Variants in ADORA2A observed in about 807,000 individuals in gnomAD.
The protein encoded by ADORA2A is adenosine receptor A2a.
A neutral mutation model predicts 18.4 loss-of-function variants in ADORA2A; 11 were observed. The observed-to-expected ratio is 0.60, with a 90% confidence interval of 0.38 to 0.99. The LOEUF is 0.99. Ranked by LOEUF, ADORA2A falls within the 50% of genes least tolerant of loss-of-function variation. ADORA2A has a pLI of 0.01. For missense variants in ADORA2A, 449 were observed against 556.1 expected (o/e 0.81, Z 1.94); for synonymous variants, 218 against 237.3 (o/e 0.92, Z 0.75).
intron 2 of ADORA2A, among the ~76,000 whole-genome samples, chr22:24,435,353 T>C (rs544467108): frequency 6.6e-6 from 1 of 152,304 alleles, no homozygotes; most frequent in South Asian, 2.1e-4. Context: ...TGGAGGGGAC[T>C]TCAGGGAACC....
chr22:24,424,701 T>A (rs2042898597), upstream of ADORA2A: 1 of 151,490 alleles, frequency 6.6e-6, no homozygotes, highest in East Asian at 2.0e-4. This position sits in a 1 kb window ranked among gnomAD's most constrained non-coding sequence, Gnocchi z 4.9. Flanking sequence ...GGGGGACGGA[T>A]GGGGGTGGGT....
chr22:24,427,718 G>C lies in ADORA2A; in HGVS notation c.-303G>C, dbSNP rs200656121. 6.6e-6 allele frequency: 1 copy of C among 152,334 alleles called. No individual in the cohort carries two copies. Among genetic ancestry groups the C allele is most frequent in the African/African-American group, 2.4e-5 (1 of 41,454 alleles). The allele number at this position is 152,334 out of a possible 1,614,324, so 9.4% of individuals were successfully genotyped here. A position where few individuals can be genotyped will look rare whatever the true frequency, so the allele number is the denominator to read the frequency against. On this transcript the variant is annotated 5_prime_UTR_variant, in exon 1 of 3. Transcript: ENST00000337539. ...TGCGGGGTGCGGCCCCTCGGAGGAG[G>C]GCTGTCAGGTGAAGCCTCGTGTGAG...
At chr22:24,438,327 G>A (rs2043228687) in intron 2 of ADORA2A, 1 of 152,106 alleles carries the variant, frequency 6.6e-6, no homozygotes, top group Non-Finnish European at 1.5e-5. Flanking sequence ...GAAGGGATAT[G>A]CTTTTCTCAG....
chr22:24,426,186 A>G (rs2042917112), upstream of ADORA2A, among the ~76,000 whole-genome samples: 1 of 152,222 alleles, frequency 6.6e-6, no homozygotes, highest in African/African-American at 2.4e-5. Flanking sequence ...GACACTCCAA[A>G]GAAGGTCTTA....
intron 2 of ADORA2A, among the ~76,000 whole-genome samples, chr22:24,437,540 AG>A (rs1054721991): frequency 3.9e-5 from 6 of 152,118 alleles, no homozygotes; most frequent in Admixed American, 6.5e-5. Flanking sequence ...TTGCAATTTA[AG>A]AAAAAAAAAA....
Position 24,441,168 on chromosome 22 carries a change from C to A in ADORA2A, c.918C>A (p.His306Gln), listed in dbSNP as rs200799056. 1 of 1,614,196 alleles carries A rather than the reference C, an allele frequency of 6.2e-7. No homozygotes were observed. The highest frequency in any genetic ancestry group is 8.5e-7 in the Non-Finnish European group (1 of 1,180,048). Reference sequence around the variant, plus strand: ...CCTTCCGCAAGATCATTCGCAGCCACGTCCTGAGGCAGCAAGAACCTTTCA... The same window carrying A: ...CCTTCCGCAAGATCATTCGCAGCCAAGTCCTGAGGCAGCAAGAACCTTTCA... ...RQTFRKIIRS[H>Q]VLRQQEPFKA... The change falls in exon 3 of 3, where the codon CAC becomes CAA. Residue 306 changes from histidine (H) to glutamine (Q), a missense_variant. Transcript: ENST00000337539.
In ADORA2A at chr22:24,441,528, C is replaced by A; in HGVS notation, c.*39C>A. 1 of 1,467,076 alleles carries A rather than the reference C, an allele frequency of 6.8e-7. No individual in the cohort carries two copies. Among genetic ancestry groups the A allele is most frequent in the South Asian group, 1.6e-5 (1 of 64,350 alleles). The allele number at this position is 1,467,076 out of a possible 1,614,324, so 90.9% of individuals were successfully genotyped here. A position where few individuals can be genotyped will look rare whatever the true frequency, so the allele number is the denominator to read the frequency against. On this transcript the variant is annotated 3_prime_UTR_variant, in exon 3 of 3. Transcript: ENST00000337539. ...TTGCCCCTTCCTAAGGGAAGGAGAT[C>A]TTTATCTTTCTGGTTGGCTTGACCA...
At position 24,433,518 on chromosome 22, in the gene ADORA2A, G is replaced by A. The variant is rs1601407977; in HGVS notation, c.114G>A (p.Gln38=). The A allele has an allele frequency of 1.2e-6, 2 of 1,614,244 alleles. No homozygotes were observed. Among genetic ancestry groups the A allele is most frequent in the Non-Finnish European group, 1.7e-6 (2 of 1,180,052 alleles). ...CCGTGTGGCTCAACAGCAACCTGCA[G>A]AACGTCACCAACTACTTTGTGGTGT... ...CWAVWLNSNL[Q]NVTNYFVVSL... Residue 38 remains glutamine, a synonymous_variant, in exon 2 of 3, where the codon CAG becomes CAA. Transcript: ENST00000337539.
intron 2 of ADORA2A, among the ~76,000 whole-genome samples, 160 bp downstream of exon 2, chr22:24,433,896 A>G (rs1444375851): frequency 6.6e-6 from 1 of 152,246 alleles, no homozygotes; most frequent in Non-Finnish European, 1.5e-5. Context: ...CCCCAGGGCC[A>G]GCACGTGGCC....
intron 2 of ADORA2A, chr22:24,438,571 C>T (rs1472500571): frequency 1.3e-5 from 2 of 152,210 alleles, no homozygotes; most frequent in Admixed American, 6.5e-5. Flanking sequence ...GGCCCTGTTA[C>T]AGGTAACCAA....
At chr22:24,431,257 C>A (rs2043028324) in intron 1 of ADORA2A, 2 of 456,706 alleles carry the variant, frequency 4.4e-6, no homozygotes, top group Non-Finnish European at 4.4e-6. Context: ...GGGTTTCTGG[C>A]TCTGCTCTCT....
intron 1 of ADORA2A, among the ~76,000 whole-genome samples, chr22:24,430,590 A>C (rs1462776595): frequency 6.6e-6 from 1 of 152,182 alleles, no homozygotes; most frequent in Non-Finnish European, 1.5e-5. Context: ...CTGGCATGGC[A>C]CCAGTCCAGC....
chr22:24,441,370 T>C lies in ADORA2A; in HGVS notation c.1120T>C (p.Ser374Pro). Residue 374 changes from serine to proline, a missense_variant, in exon 3 of 3, where the codon TCC (serine) becomes CCC (proline). Transcript: ENST00000337539. Reference protein sequence around the residue: ...GLVSGGSAQESQGNTGLPDVE... With the variant: ...GLVSGGSAQEPQGNTGLPDVE... ...GGTGAGTGGAGGGAGTGCCCAAGAGTCCCAGGGGAACACGGGCCTCCCAGA... is the reference window on the plus strand; with the variant it reads ...GGTGAGTGGAGGGAGTGCCCAAGAGCCCCAGGGGAACACGGGCCTCCCAGA... 3 of 1,580,216 alleles carry C rather than the reference T, an allele frequency of 1.9e-6. No individual in the cohort carries two copies. Among genetic ancestry groups the C allele is most frequent in the Non-Finnish European group, 2.6e-6 (3 of 1,162,974 alleles).
rs765822455 is a variant in ADORA2A, at chr22:24,441,541, G to C, written c.*52G>C. ...AGGGAAGGAGATCTTTATCTTTCTG[G>C]TTGGCTTGACCAGTCACGTTGGGAG... is the stretch of plus-strand genomic sequence containing the variant. On this transcript the variant is annotated 3_prime_UTR_variant, in exon 3 of 3. Coordinates refer to ENST00000337539, the MANE Select transcript of ADORA2A (RefSeq NM_000675.6). 2 of 1,454,374 alleles carry C rather than the reference G, an allele frequency of 1.4e-6. No homozygotes were observed. The highest frequency in any genetic ancestry group is 2.4e-5 in the East Asian group (1 of 41,592). The allele number at this position is 1,454,374 out of a possible 1,614,324, so 90.1% of individuals were successfully genotyped here. A position where few individuals can be genotyped will look rare whatever the true frequency, so the allele number is the denominator to read the frequency against.
At chr22:24,437,169 T>C (rs1044789100) in intron 2 of ADORA2A, among the ~76,000 whole-genome samples, 16 of 151,996 alleles carry the variant, frequency 1.1e-4, no homozygotes, top group Admixed American at 8.5e-4. Context: ...GTGTGGGTAA[T>C]GGAGATCCCC....
chr22:24,428,573 C>T (rs957095153), intron 1 of ADORA2A, among the ~76,000 whole-genome samples: 5 of 152,246 alleles, frequency 3.3e-5, no homozygotes, highest in African/African-American at 1.2e-4. Flanking sequence ...TTCTTTGCCT[C>T]TTTGGAGATT....
upstream of ADORA2A, among the ~76,000 whole-genome samples, chr22:24,425,344 C>T (rs960304988): frequency 2.3e-5 from 3 of 131,224 alleles, no homozygotes; most frequent in Non-Finnish European, 5.1e-5. Flanking sequence ...AGCACCCCCC[C>T]CCCCCCCGCC....
chr22:24,433,030 A>G, intron 1 of ADORA2A, 101 bp from the exon 2 acceptor site: 1 of 300,864 alleles, frequency 3.3e-6, no homozygotes, highest in Non-Finnish European at 6.4e-6. Flanking sequence ...ATCTGAAACT[A>G]TAGGGTCTTC....
At chr22:24,433,825 G>A (rs2043108065) in intron 2 of ADORA2A, 89 bp downstream of exon 2, 1 of 1,423,622 alleles carries the variant, frequency 7.0e-7, no homozygotes, top group African/African-American at 1.4e-5. Context: ...CTGGGATCAG[G>A]GCCTGGTCTG....
Sources: allele counts gnomAD v4.1 joint callset (sites outside exome capture counted in the v4.1 genomes callset), GRCh38; gene constraint gnomAD v4.1.1; non-coding constraint Gnocchi (gnomAD v3.1); transcripts MANE v1.5; gene names NCBI Gene and HGNC (gene_info 2026-07-23, HGNC 2026-07-21).